Variants in PTK7 observed in about 807,000 individuals in gnomAD.
PTK7 encodes protein tyrosine kinase 7 (inactive).
A neutral mutation model predicts 116.6 loss-of-function variants in PTK7; 39 were observed. The ratio of observed to expected loss-of-function variants is 0.33; its 90% CI spans 0.26 to 0.44. PTK7 has a LOEUF of 0.44. Ranked by LOEUF, PTK7 falls within the 20% of genes least tolerant of loss-of-function variation. PTK7 has a pLI of 1.00. For synonymous variants in PTK7, 546 were observed against 563.6 expected, an observed-to-expected ratio of 0.97 and a Z score of 0.44; for missense variants, 1,169 against 1,425.6, an observed-to-expected ratio of 0.82 and a Z score of 2.90.
At chr6:43,121,056 GTTTTTTTT>G (rs564738874) in intron 1 of PTK7, among the ~76,000 whole-genome samples, 1 of 119,724 alleles carries the variant, frequency 8.4e-6, no homozygotes, top group Non-Finnish European at 1.7e-5. Context: ...CCATGTTTCT[GTTTTTTTT>G]TTTTTTTTTT....
In PTK7 at chr6:43,141,219, T is replaced by A. The variant is rs1429073922; in HGVS notation, c.1619-449T>A. On this transcript the variant is annotated intron_variant, in intron 10 of 19. Transcript: ENST00000230419. This position sits in a 1 kb window ranked among gnomAD's most constrained non-coding sequence, Gnocchi z 4.9. ...TTATTTTTTAAAAGGTTGGACCAAT[T>A]TTGACATTTCCACCTAGAGTGAGAG... Among the ~76,000 whole-genome samples the A allele has an allele frequency of 6.6e-6, 1 of 152,150 alleles. No homozygotes were observed. The highest frequency in any genetic ancestry group is 1.5e-5 in the Non-Finnish European group (1 of 68,020).
chr6:43,158,783 T>C, intron 17 of PTK7, 34 bp from the exon 18 acceptor site: 1 of 1,605,712 alleles, frequency 6.2e-7, no homozygotes, highest in East Asian at 2.2e-5. Context: ...TGCCTATTCC[T>C]GGGCTGCTCT....
chr6:43,159,757 A>G, intron 18 of PTK7, 31 bp from the exon 19 acceptor site: 2 of 1,612,656 alleles, frequency 1.2e-6, no homozygotes, highest in Non-Finnish European at 1.7e-6. Flanking sequence ...CTCCCACCCC[A>G]CCTCACCCCT....
chr6:43,114,179 G>A (rs1440238756), intron 1 of PTK7, among the ~76,000 whole-genome samples: 1 of 152,224 alleles, frequency 6.6e-6, no homozygotes, highest in African/African-American at 2.4e-5. Context: ...GTGCATGCAT[G>A]TGCGTGTGTC....
chr6:43,076,393 C>A lies in PTK7; in HGVS notation c.-96C>A, dbSNP rs1040649562. On this transcript the variant is annotated 5_prime_UTR_variant, in exon 1 of 20. Coordinates refer to ENST00000230419, the MANE Select transcript of PTK7 (RefSeq NM_002821.5). This position sits in a 1 kb window ranked among gnomAD's most constrained non-coding sequence, Gnocchi z 5.7. ...TCCGGCTGCGGCTGCTGCTGCGGCGCCCGCGCTCCGGTGCGCTCCGCCTCC... is the reference window on the plus strand; with the variant it reads ...TCCGGCTGCGGCTGCTGCTGCGGCGACCGCGCTCCGGTGCGCTCCGCCTCC... 2.3e-5 allele frequency: 23 copies of A among 997,382 alleles called. No individual in the cohort carries two copies. Among genetic ancestry groups the A allele is most frequent in the Non-Finnish European group, 2.9e-5 (22 of 759,760 alleles). 61.8% of individuals were successfully genotyped at this position (997,382 alleles called of 1,614,324 possible). A position where few individuals can be genotyped will look rare whatever the true frequency, so the allele number is the denominator to read the frequency against.
chr6:43,120,954 T>C (rs1768920425), intron 1 of PTK7, among the ~76,000 whole-genome samples: 1 of 151,990 alleles, frequency 6.6e-6, no homozygotes, highest in Non-Finnish European at 1.5e-5. Flanking sequence ...AAGAGGCATG[T>C]ACTGGGTATA....
rs182578224 is a variant in PTK7 at position 43,109,449 on chromosome 6, A to T, written c.80-19528A>T. Among the ~76,000 whole-genome samples, 102 of 152,106 alleles carry T rather than the reference A, an allele frequency of 6.7e-4. 1 individual carries two copies. Among genetic ancestry groups the T allele is most frequent in the Non-Finnish European group, 2.9e-5 (2 of 68,022 alleles). ...TCTAGGCTTCTCTTGTACATTTCCT[A>T]TCCTGGAACTGGAATCAGCCAATTC... On this transcript the variant is annotated intron_variant, in intron 1 of 19. Coordinates refer to ENST00000230419, the MANE Select transcript of PTK7 (RefSeq NM_002821.5).
chr6:43,159,820 C>A lies in PTK7; in HGVS notation c.2906C>A (p.Pro969Gln), dbSNP rs750090376. Residue 969 changes from proline to glutamine, a missense_variant, in exon 19 of 20, where the codon CCG becomes CAG. Transcript: ENST00000230419. ...TACCACTTCCGCCAGGCCTGGGTGCCGCTGCGCTGGATGTCCCCCGAGGCC... is the reference window on the plus strand; with the variant it reads ...TACCACTTCCGCCAGGCCTGGGTGCAGCTGCGCTGGATGTCCCCCGAGGCC... Reference protein sequence around the residue: ...EYYHFRQAWVPLRWMSPEAIL... With the variant: ...EYYHFRQAWVQLRWMSPEAIL... 6.2e-7 allele frequency: 1 copy of A among 1,614,198 alleles called. No homozygotes were observed. Among genetic ancestry groups the A allele is most frequent in the East Asian group, 2.2e-5 (1 of 44,880 alleles).
rs1054052685 is a variant in PTK7, at chr6:43,145,669, G to A, written c.2640+237G>A. On this transcript the variant is annotated intron_variant, in intron 16 of 19. Coordinates refer to ENST00000230419, the MANE Select transcript of PTK7 (RefSeq NM_002821.5). The surrounding 1 kb of genome is among the most constrained non-coding windows in gnomAD (Gnocchi z 4.8). Reference sequence around the variant, plus strand: ...GTCTTTCCATCTGTATCTCAGGGGCGTTGGTCCTAAGTTTTTCTGGGACTT... The same window carrying A: ...GTCTTTCCATCTGTATCTCAGGGGCATTGGTCCTAAGTTTTTCTGGGACTT... 9.0e-6 allele frequency: 3 copies of A among 333,320 alleles called. No homozygotes were observed. Among genetic ancestry groups the A allele is most frequent in the Non-Finnish European group, 1.6e-5 (3 of 184,322 alleles). 20.6% of individuals were successfully genotyped at this position (333,320 alleles called of 1,614,324 possible).
intron 17 of PTK7, among the ~76,000 whole-genome samples, chr6:43,150,184 C>T (rs1770984585): frequency 6.6e-6 from 1 of 152,146 alleles, no homozygotes; most frequent in Admixed American, 6.5e-5. Flanking sequence ...ATGCTTTATG[C>T]AGTCAGATGC....
Position 43,093,476 on chromosome 6 carries a change from C to G in PTK7, c.79+16909C>G, listed in dbSNP as rs144918578. Among the ~76,000 whole-genome samples, 101 of 152,168 alleles carry G rather than the reference C, an allele frequency of 6.6e-4. No individual in the cohort carries two copies. In the East Asian group the frequency reaches 0.017, roughly 26 times the overall value. ...GAGAGTGATTAACAAGACAAGGATA[C>G]AGAGAAGACCAAAGAGAGGCACACA... On this transcript the variant is annotated intron_variant, in intron 1 of 19. Coordinates refer to ENST00000230419, the MANE Select transcript of PTK7 (RefSeq NM_002821.5).
At chr6:43,150,926 G>A (rs1361454078) in intron 17 of PTK7, among the ~76,000 whole-genome samples, 2 of 148,572 alleles carry the variant, frequency 1.3e-5, no homozygotes, top group Non-Finnish European at 3.0e-5. Context: ...CTCTTCAAGC[G>A]ATTCTCCTGC....
At position 43,130,259 on chromosome 6, in the gene PTK7, C is replaced by A. The variant is rs750323950; in HGVS notation, c.500C>A (p.Thr167Asn). Reference sequence around the variant, plus strand: ...ACCTACCAATGGTTCCGAGATGGGACCCCCCTTTCTGATGGTCAGAGCAAC... The same window carrying A: ...ACCTACCAATGGTTCCGAGATGGGAACCCCCTTTCTGATGGTCAGAGCAAC... ...RPTYQWFRDG[T>N]PLSDGQSNHT... is the part of the protein sequence containing the mutation. Residue 167 changes from threonine (T) to asparagine (N), a missense_variant, in exon 4 of 20, where the codon ACC becomes AAC. Around this residue, in one of 3 missense-constraint regions of PTK7, gnomAD observed 487 missense variants for 549.8 expected, o/e 0.89. Coordinates refer to ENST00000230419, the MANE Select transcript of PTK7 (RefSeq NM_002821.5). 6.3e-6 allele frequency: 10 copies of A among 1,597,824 alleles called. No individual in the cohort carries two copies. The highest frequency in any genetic ancestry group is 6.8e-6 in the Non-Finnish European group (8 of 1,169,292).
At chr6:43,159,736 G>C (rs772436257) in intron 18 of PTK7, 52 bp from the exon 19 acceptor site, 2 of 1,583,288 alleles carry the variant, frequency 1.3e-6, no homozygotes, top group East Asian at 4.5e-5. Flanking sequence ...AGGGTGCAGC[G>C]CCAGGCCACG....
chr6:43,115,449 A>G (rs1449165832), intron 1 of PTK7, among the ~76,000 whole-genome samples: 5 of 152,116 alleles, frequency 3.3e-5, no homozygotes, highest in Non-Finnish European at 7.4e-5. Context: ...CTGTGCCCCC[A>G]GGGCTCACCT....
intron 1 of PTK7, among the ~76,000 whole-genome samples, chr6:43,095,985 A>G (rs1050872822): frequency 6.6e-6 from 1 of 152,200 alleles, no homozygotes; most frequent in African/African-American, 2.4e-5. Context: ...GTAAGCTCTC[A>G]GTAGTCCTGA....
rs142673639 is a variant in PTK7 at position 43,088,259 on chromosome 6, T to C, written c.79+11692T>C. Among the ~76,000 whole-genome samples the C allele has an allele frequency of 2.9e-3, 434 of 151,890 alleles. 1 individual carries two copies. The highest frequency in any genetic ancestry group is 3.9e-3 in the Non-Finnish European group (266 of 67,940). Reference sequence around the variant, plus strand: ...AGGTCAAGGCTACAGTGAGCCAAGATTGCACCACTGCACTCCAGCCTGGGC... The same window carrying C: ...AGGTCAAGGCTACAGTGAGCCAAGACTGCACCACTGCACTCCAGCCTGGGC... On this transcript the variant is annotated intron_variant, in intron 1 of 19. Transcript: ENST00000230419.
chr6:43,116,358 C>T lies in PTK7; in HGVS notation c.80-12619C>T, dbSNP rs181406091. On this transcript the variant is annotated intron_variant, in intron 1 of 19. Transcript: ENST00000230419. The stretch of plus-strand genomic sequence containing the variant: ...GCCTCCTGCACATGTGCTAACATTG[C>T]GTCGTGTCCCCGCAGCCTGCTGCCA... Among the ~76,000 whole-genome samples, 63 of 152,296 alleles carry T rather than the reference C, an allele frequency of 4.1e-4. No individual in the cohort carries two copies. In the East Asian group the frequency reaches 9.5e-3, roughly 23 times the overall value.
At chr6:43,153,137 G>C (rs1201136735) in intron 17 of PTK7, among the ~76,000 whole-genome samples, 1 of 151,278 alleles carries the variant, frequency 6.6e-6, no homozygotes, top group Non-Finnish European at 1.5e-5. Flanking sequence ...TTGAGATGGA[G>C]TCTCTCTCTG....
Sources: gnomAD v4.1 joint callset for allele counts (sites outside exome capture counted in the v4.1 genomes callset) on GRCh38, gnomAD v4.1.1 for gene constraint, gnomAD v4.1.1 regional missense constraint, Gnocchi (gnomAD v3.1) non-coding constraint, MANE v1.5 for transcripts, NCBI Gene and HGNC (gene_info 2026-07-23, HGNC 2026-07-21) for gene names.